RP1: variants seen among roughly 807,000 people sequenced by gnomAD.
The protein encoded by RP1 is RP1 axonemal microtubule associated.
RP1 carries 16 observed loss-of-function variants against 14.8 expected under a neutral mutation model. That is an observed-to-expected ratio of 1.08 (90% confidence interval 0.73 to 1.65). The LOEUF is 1.65. Among genes scored for constraint, RP1 ranks in the 40% most tolerant of loss-of-function variants. The pLI is 0.00. For missense variants in RP1, 2,631 were observed against 2,535.0 expected (o/e 1.04, Z -0.81); for synonymous variants, 876 against 883.6 (o/e 0.99, Z 0.15).
chr8:54,612,889 T>A (rs755122978), upstream of RP1, among the ~76,000 whole-genome samples: 2 of 152,180 alleles, frequency 1.3e-5, no homozygotes, highest in Admixed American at 6.5e-5. Flanking sequence ...TCTTCTCACG[T>A]CACTTCTCAG....
intron 19 of RP1, among the ~76,000 whole-genome samples, chr8:54,750,465 T>A (rs1199698463): frequency 2.0e-5 from 3 of 152,200 alleles, no homozygotes; most frequent in Admixed American, 6.5e-5. Flanking sequence ...TGTTCTGAAA[T>A]CAAGCTCTTT....
chr8:54,613,844 T>C (rs946651910), upstream of RP1, among the ~76,000 whole-genome samples: 2 of 152,186 alleles, frequency 1.3e-5, no homozygotes, highest in South Asian at 4.1e-4. Flanking sequence ...GTAAGACATA[T>C]GGATCGAAAT....
intron 1 of RP1, among the ~76,000 whole-genome samples, chr8:54,610,642 T>A (rs995500942): frequency 6.6e-6 from 1 of 152,190 alleles, no homozygotes; most frequent in African/African-American, 2.4e-5. Flanking sequence ...AATTAGCAAC[T>A]CCATTCTTCC....
At chr8:54,714,575 C>G (rs1021228613) in intron 15 of RP1, among the ~76,000 whole-genome samples, 1 of 152,140 alleles carries the variant, frequency 6.6e-6, no homozygotes, top group African/African-American at 2.4e-5. Flanking sequence ...TCATCCCTGA[C>G]CCAACCAATC....
intron 12 of RP1, among the ~76,000 whole-genome samples, chr8:54,681,791 G>A (rs1313962635): frequency 1.3e-5 from 2 of 152,100 alleles, no homozygotes; most frequent in Non-Finnish European, 2.9e-5. Context: ...AGAACATGCA[G>A]TGTTTGGTTT....
chr8:54,690,262 G>A (rs544059801), intron 12 of RP1, among the ~76,000 whole-genome samples: 1 of 152,092 alleles, frequency 6.6e-6, no homozygotes, highest in South Asian at 2.1e-4. Context: ...TATTTCTAGT[G>A]AATATCCTGT....
intron 15 of RP1, among the ~76,000 whole-genome samples, chr8:54,706,939 G>A (rs1283901524): frequency 6.6e-6 from 1 of 151,886 alleles, no homozygotes; most frequent in African/African-American, 2.4e-5. Context: ...CGTGGGACCT[G>A]AGTGTTTACG....
At chr8:54,683,712 A>G (rs372056875) in intron 12 of RP1, among the ~76,000 whole-genome samples, 17 of 152,012 alleles carry the variant, frequency 1.1e-4, no homozygotes, top group East Asian at 7.7e-4. Context: ...AGACAATGGG[A>G]TTTTCTAGAT....
At chr8:54,819,728 A>C (rs144470910) in intron 24 of RP1, among the ~76,000 whole-genome samples, 1 of 152,108 alleles carries the variant, frequency 6.6e-6, no homozygotes, top group South Asian at 2.1e-4. Context: ...TTGCAAACTC[A>C]TGGAGGTACC....
Position 54,720,173 on chromosome 8 carries a change from GAAGAA to G in RP1, c.2257_2261del (p.Lys753CysfsTer32). 1 of 1,535,532 alleles carries G rather than the reference GAAGAA, an allele frequency of 6.5e-7. No homozygotes were observed. Among genetic ancestry groups the G allele is most frequent in the Non-Finnish European group, 8.7e-7 (1 of 1,146,672 alleles). On this transcript the variant is annotated frameshift_variant, in exon 16 of 23. Coordinates refer to the RP1 transcript ENST00000636932. LOFTEE classifies it high-confidence loss of function. ...GTCATTTTAAAATTAAGAAGAACTT[GAAGAA>G]TGCATCCATAAGCCTGGAATCTACG... is the stretch of plus-strand genomic sequence containing the variant.
At chr8:54,583,109 C>T (rs537324894) in intron 1 of RP1, among the ~76,000 whole-genome samples, 1 of 152,208 alleles carries the variant, frequency 6.6e-6, no homozygotes, top group South Asian at 2.1e-4. Context: ...CAGTTTTTGC[C>T]CATTCAGTAT....
At chr8:54,589,745 C>T (rs1170782239) in intron 1 of RP1, among the ~76,000 whole-genome samples, 1 of 152,114 alleles carries the variant, frequency 6.6e-6, no homozygotes, top group Admixed American at 6.5e-5. Flanking sequence ...TTTTCCCCAC[C>T]AAATATGCAT....
chr8:54,573,632 C>G lies in RP1; in HGVS notation c.-13+14312C>G, dbSNP rs532610026. 8.5e-5 allele frequency among the ~76,000 whole-genome samples: 13 copies of G among 152,114 alleles called. No individual in the cohort carries two copies. The South Asian group carries it at 2.3e-3, about 27-fold the overall frequency. ...TTGCAAAAAAAGGTAATAATAAATA[C>G]AAGAAGTCCCACTCAACAAGGTCAT... is the stretch of plus-strand genomic sequence containing the variant. On this transcript the variant is annotated intron_variant, in intron 1 of 22. Coordinates refer to the RP1 transcript ENST00000636932.
chr8:54,624,071 A>G (rs1031826982), intron 3 of RP1, among the ~76,000 whole-genome samples: 1 of 152,238 alleles, frequency 6.6e-6, no homozygotes, highest in Non-Finnish European at 1.5e-5. Flanking sequence ...AAATTGAGGT[A>G]GAATTAGAGA....
intron 19 of RP1, among the ~76,000 whole-genome samples, chr8:54,743,865 A>T (rs545473431): frequency 1.3e-5 from 2 of 152,256 alleles, no homozygotes; most frequent in East Asian, 3.9e-4. Context: ...GCCGCTTCCC[A>T]TGATGTAAAA....
chr8:54,623,639 T>G (rs1805943521), intron 3 of RP1, among the ~76,000 whole-genome samples: 1 of 152,194 alleles, frequency 6.6e-6, no homozygotes, highest in Non-Finnish European at 1.5e-5. Flanking sequence ...GTGCCAAGGT[T>G]AATGCTGAAG....
chr8:54,773,195 C>G (rs1357733671), downstream of RP1, among the ~76,000 whole-genome samples: 1 of 152,150 alleles, frequency 6.6e-6, no homozygotes, highest in South Asian at 2.1e-4. Context: ...TCACCACTCA[C>G]TTTCACCTAG....
chr8:54,621,720 G>C, intron 2 of RP1, 139 bp downstream of exon 2: 1 of 1,256,872 alleles, frequency 8.0e-7, no homozygotes, highest in Non-Finnish European at 1.1e-6. Flanking sequence ...TGTGTGCTCC[G>C]ATGCTGCCTT....
intron 18 of RP1, among the ~76,000 whole-genome samples, chr8:54,736,786 G>T (rs189112226): frequency 1.3e-5 from 2 of 152,196 alleles, no homozygotes; most frequent in Admixed American, 1.3e-4. Flanking sequence ...CAGAATTTGG[G>T]TTCCCATCCC....
Sources: allele counts gnomAD v4.1 joint callset (sites outside exome capture counted in the v4.1 genomes callset), GRCh38; gene constraint gnomAD v4.1.1; transcripts MANE v1.5; gene names NCBI Gene and HGNC (gene_info 2026-07-23, HGNC 2026-07-21).